MGST2: variants seen among roughly 807,000 people sequenced by gnomAD.
MGST2 encodes microsomal glutathione S-transferase 2, also known as glutathione peroxidase MGST2.
MGST2 carries 9 observed loss-of-function variants against 16.6 expected under a neutral mutation model. The observed-to-expected ratio is 0.54, with a 90% CI of 0.33 to 0.95. The LOEUF (loss-of-function observed/expected upper bound fraction) is 0.95, where lower values mean the gene tolerates loss of function less well. MGST2 is among the 40% of genes least tolerant of loss of function. MGST2 has a pLI of 0.03. For synonymous variants in MGST2, 79 were observed against 68.0 expected (o/e 1.16, Z -0.79); for missense variants, 159 against 175.1 (o/e 0.91, Z 0.52).
chr4:139,667,109 G>T (rs1175805155), intron 1 of MGST2, among the ~76,000 whole-genome samples: 1 of 151,664 alleles, frequency 6.6e-6, no homozygotes, highest in Admixed American at 6.6e-5. Flanking sequence ...AGCAAAGAAC[G>T]ATTCACAGTT....
chr4:139,709,487 G>A (rs1230460447), intron 5 of MGST2, among the ~76,000 whole-genome samples: 1 of 152,166 alleles, frequency 6.6e-6, no homozygotes, highest in Non-Finnish European at 1.5e-5. Context: ...AGAAGAGAAT[G>A]CCCTAATTCT....
At chr4:139,741,261 A>T (rs1226370137), downstream of MGST2, among the ~76,000 whole-genome samples, 3 of 152,214 alleles carry the variant, frequency 2.0e-5, no homozygotes, top group Non-Finnish European at 2.9e-5. Context: ...AGAGGAAGCA[A>T]GTCTAGGAGA....
the MGST2 span, among the ~76,000 whole-genome samples, chr4:139,746,859 G>T: frequency 6.6e-6 from 1 of 152,188 alleles, no homozygotes. Flanking sequence ...CTTTGATCAA[G>T]TAAAGGTAAT....
At chr4:139,713,360 C>A (rs1727808867) in intron 5 of MGST2, among the ~76,000 whole-genome samples, 1 of 151,408 alleles carries the variant, frequency 6.6e-6, no homozygotes, top group South Asian at 2.1e-4. Flanking sequence ...GTCTGTGACA[C>A]CTCCTTTGTT....
chr4:139,750,640 C>G, the MGST2 span, among the ~76,000 whole-genome samples: 1 of 152,190 alleles, frequency 6.6e-6, no homozygotes, highest in Non-Finnish European at 1.5e-5. Flanking sequence ...AAGAAGTCTA[C>G]CCTCCTGCAG....
In MGST2 at chr4:139,665,874, A is replaced by G. The variant is rs1730302860; in HGVS notation, c.-146A>G. ...TGCCTGCCTTCCTGACTTCTGTTCCAGAGCAAAGGTCATTCAGCCGCTTGA... is the reference window on the plus strand; with the variant it reads ...TGCCTGCCTTCCTGACTTCTGTTCCGGAGCAAAGGTCATTCAGCCGCTTGA... On this transcript the variant is annotated 5_prime_UTR_variant, in exon 1 of 5. Transcript: ENST00000265498. 2 of 786,768 alleles carry G rather than the reference A, an allele frequency of 2.5e-6. No homozygotes were observed. Among genetic ancestry groups the G allele is most frequent in the Non-Finnish European group, 4.4e-6 (2 of 455,056 alleles). The allele number at this position is 786,768 out of a possible 1,614,324, so 48.7% of individuals were successfully genotyped here.
chr4:139,726,975 T>G (rs958320922), intron 5 of MGST2, among the ~76,000 whole-genome samples: 10 of 152,234 alleles, frequency 6.6e-5, no homozygotes, highest in African/African-American at 2.4e-4. Context: ...CTGCAGCTGC[T>G]GAATATTCAT....
At chr4:139,742,589 G>A (rs1188357858), downstream of MGST2, among the ~76,000 whole-genome samples, 3 of 152,088 alleles carry the variant, frequency 2.0e-5, no homozygotes, top group Admixed American at 6.5e-5. Context: ...CTTTAGGTGG[G>A]GCCTATATTT....
chr4:139,742,144 CTTTTCTTTT>C (rs1403211665), downstream of MGST2, among the ~76,000 whole-genome samples: 14 of 128,692 alleles, frequency 1.1e-4, no homozygotes, highest in Admixed American at 2.5e-4. Flanking sequence ...CTTTTCTTTT[CTTTTCTTTT>C]TTTTTTTTTT....
At chr4:139,668,607 G>GAC (rs1730498034) in intron 1 of MGST2, among the ~76,000 whole-genome samples, 1 of 149,882 alleles carries the variant, frequency 6.7e-6, no homozygotes, top group African/African-American at 2.5e-5. Context: ...GAGAGAGAGA[G>GAC]AGAGAGAGGA....
At chr4:139,703,174 C>A (rs542890869) in intron 3 of MGST2, among the ~76,000 whole-genome samples, 8 of 151,904 alleles carry the variant, frequency 5.3e-5, no homozygotes, top group Non-Finnish European at 8.8e-5. Context: ...GATTCACCCC[C>A]CCTCGGCCTC....
At chr4:139,709,954 A>G (rs537925326) in intron 5 of MGST2, among the ~76,000 whole-genome samples, 2 of 152,360 alleles carry the variant, frequency 1.3e-5, no homozygotes, top group East Asian at 3.9e-4. Flanking sequence ...TAATGTCCTT[A>G]GTACTTAAAA....
chr4:139,694,751 G>T (rs1364130702), intron 2 of MGST2, among the ~76,000 whole-genome samples: 1 of 152,168 alleles, frequency 6.6e-6, no homozygotes, highest in Non-Finnish European at 1.5e-5. Context: ...AATGAAATAT[G>T]CTCACTGATT....
intron 3 of MGST2, among the ~76,000 whole-genome samples, chr4:139,696,032 A>G (rs758992819): frequency 1.3e-5 from 2 of 152,232 alleles, no homozygotes; most frequent in Non-Finnish European, 2.9e-5. Context: ...TATTCTTGCA[A>G]TAAAGCAAGC....
At chr4:139,705,796 G>C (rs1396145345), downstream of MGST2, 2 of 152,142 alleles carry the variant, frequency 1.3e-5, no homozygotes, top group Non-Finnish European at 2.9e-5. Flanking sequence ...TGTGGGGTTT[G>C]GAGGGTGATA....
intron 3 of MGST2, among the ~76,000 whole-genome samples, chr4:139,699,624 T>C (rs1419873070): frequency 6.6e-6 from 1 of 152,224 alleles, no homozygotes; most frequent in Admixed American, 6.5e-5. Context: ...CAATCCAATA[T>C]ATTTATTTGA....
At chr4:139,666,899 C>G (rs1730383571) in intron 1 of MGST2, among the ~76,000 whole-genome samples, 1 of 152,208 alleles carries the variant, frequency 6.6e-6, no homozygotes. Flanking sequence ...CAGTCCAGGC[C>G]TCCGTGCATG....
chr4:139,684,956 C>G (rs1370938909), intron 2 of MGST2, among the ~76,000 whole-genome samples: 4 of 152,162 alleles, frequency 2.6e-5, no homozygotes, highest in Non-Finnish European at 2.9e-5. Context: ...CAGCTAAGCC[C>G]TCCTTATTCA....
At chr4:139,672,110 T>C (rs3822044) in intron 1 of MGST2, among the ~76,000 whole-genome samples, 22,989 of 152,134 alleles carry the variant, frequency 0.15, 1,995 homozygotes, top group East Asian at 0.35. Flanking sequence ...TTCCATTTAC[T>C]GAAGCTCATT....
Sources: gnomAD v4.1 joint callset for allele counts (sites outside exome capture counted in the v4.1 genomes callset) on GRCh38, gnomAD v4.1.1 for gene constraint, MANE v1.5 for transcripts, NCBI Gene and HGNC (gene_info 2026-07-23, HGNC 2026-07-21) for gene names.